Variants in PDE4B observed in about 807,000 individuals in gnomAD.
PDE4B encodes 3',5'-cyclic-AMP phosphodiesterase 4B.
A neutral mutation model predicts 82.2 loss-of-function variants in PDE4B; 20 were observed. That is an observed-to-expected ratio of 0.24 (90% CI 0.17 to 0.35). PDE4B has a LOEUF of 0.35. Among genes scored for constraint, PDE4B ranks in the 10% least tolerant of loss-of-function variants. The pLI is 1.00. For synonymous variants in PDE4B, 320 were observed against 318.9 expected (o/e 1.00, Z -0.04); for missense variants, 655 against 907.2 (o/e 0.72, Z 3.57).
At chr1:66,190,535 G>A (rs12729174) in intron 3 of PDE4B, among the ~76,000 whole-genome samples, 20 of 152,134 alleles carry the variant, frequency 1.3e-4, no homozygotes, top group Admixed American at 5.2e-4. Flanking sequence ...TGGCAATGGC[G>A]GGCACCCCTC....
chr1:66,152,469 CT>C, intron 3 of PDE4B: 2 of 300,606 alleles, frequency 6.7e-6, no homozygotes, highest in Non-Finnish European at 1.5e-5. Flanking sequence ...AAGGTCTGTA[CT>C]TTTTAACACA....
At chr1:65,965,389 A>G (rs182796903) in intron 3 of PDE4B, among the ~76,000 whole-genome samples, 4 of 152,266 alleles carry the variant, frequency 2.6e-5, no homozygotes, top group African/African-American at 7.2e-5. Flanking sequence ...ATTGTTGTCA[A>G]AGTACCCAGT....
chr1:66,192,226 T>C (rs1466558075), intron 3 of PDE4B, among the ~76,000 whole-genome samples: 1 of 152,196 alleles, frequency 6.6e-6, no homozygotes, highest in Non-Finnish European at 1.5e-5. Flanking sequence ...AAGACTCTTT[T>C]GTGATCCTTT....
intron 3 of PDE4B, among the ~76,000 whole-genome samples, chr1:66,051,699 ATTTGGTT>A (rs1655037500): frequency 6.6e-6 from 1 of 152,116 alleles, no homozygotes; most frequent in Non-Finnish European, 1.5e-5. Context: ...GGTTGATATT[ATTTGGTT>A]ATTTGCTGAT....
chr1:66,222,962 T>C (rs911892166), intron 3 of PDE4B, among the ~76,000 whole-genome samples: 2 of 152,210 alleles, frequency 1.3e-5, no homozygotes, highest in African/African-American at 4.8e-5. Flanking sequence ...TTAAATAGTT[T>C]TGTTTTTCTG....
chr1:65,984,375 G>A (rs566271374), intron 3 of PDE4B, among the ~76,000 whole-genome samples: 11 of 152,124 alleles, frequency 7.2e-5, no homozygotes, highest in Non-Finnish European at 1.5e-4. Flanking sequence ...TTCTGAGGGT[G>A]ACACAACTAT....
chr1:66,103,915 G>A (rs1645279719), intron 3 of PDE4B, among the ~76,000 whole-genome samples: 1 of 151,762 alleles, frequency 6.6e-6, no homozygotes, highest in Non-Finnish European at 1.5e-5. Flanking sequence ...AAGATCGAGA[G>A]GCATTATTTT....
intron 3 of PDE4B, among the ~76,000 whole-genome samples, chr1:66,048,411 G>A (rs1211341443): frequency 6.6e-6 from 1 of 151,822 alleles, no homozygotes; most frequent in Non-Finnish European, 1.5e-5. Context: ...TATGACTTGG[G>A]GATGCTGGTG....
intron 3 of PDE4B, among the ~76,000 whole-genome samples, chr1:66,207,674 G>C (rs963370185): frequency 2.6e-5 from 4 of 152,112 alleles, no homozygotes; most frequent in African/African-American, 9.7e-5. Context: ...ACTATTCTAG[G>C]ATGTAGTCCC....
chr1:66,346,071 A>G (rs1344705407), intron 8 of PDE4B, among the ~76,000 whole-genome samples: 4 of 152,146 alleles, frequency 2.6e-5, no homozygotes, highest in African/African-American at 9.7e-5. Flanking sequence ...TGGCTATTCC[A>G]CACTCTCTGG....
chr1:65,798,420 G>A (rs1408856893), intron 1 of PDE4B, among the ~76,000 whole-genome samples: 1 of 87,976 alleles, frequency 1.1e-5, no homozygotes, highest in Non-Finnish European at 1.9e-5. Flanking sequence ...CACCGCGCCC[G>A]GCTAATTTTT....
At chr1:66,285,579 A>C (rs1656619251) in intron 7 of PDE4B, among the ~76,000 whole-genome samples, 1 of 152,144 alleles carries the variant, frequency 6.6e-6, no homozygotes, top group South Asian at 2.1e-4. Context: ...CCCACTTATA[A>C]GTGAAAACAT....
At chr1:65,935,922 A>G (rs1422429292) in intron 3 of PDE4B, among the ~76,000 whole-genome samples, 1 of 152,170 alleles carries the variant, frequency 6.6e-6, no homozygotes, top group African/African-American at 2.4e-5. Flanking sequence ...GGGCAACAAA[A>G]GCGAAATTCT....
intron 1 of PDE4B, among the ~76,000 whole-genome samples, chr1:65,813,853 T>C (rs1297062876): frequency 6.8e-6 from 1 of 148,072 alleles, no homozygotes; most frequent in African/African-American, 2.5e-5. Flanking sequence ...AGAATGTAGC[T>C]TTGAAAAATA....
At chr1:65,877,758 A>G (rs184011609) in intron 1 of PDE4B, among the ~76,000 whole-genome samples, 2 of 152,130 alleles carry the variant, frequency 1.3e-5, no homozygotes, top group African/African-American at 4.8e-5. Context: ...AGACTTAAAC[A>G]TAAAACCTAA....
At chr1:66,328,825 C>A (rs1202972270) in intron 7 of PDE4B, among the ~76,000 whole-genome samples, 1 of 152,194 alleles carries the variant, frequency 6.6e-6, no homozygotes, top group Non-Finnish European at 1.5e-5. Context: ...ATGTTAGCAG[C>A]CGTCTTTGCC....
intron 1 of PDE4B, among the ~76,000 whole-genome samples, chr1:65,872,780 G>T (rs1356068140): frequency 6.6e-6 from 1 of 152,178 alleles, no homozygotes; most frequent in African/African-American, 2.4e-5. Context: ...AAAGGCATTT[G>T]TGTAGGACAT....
intron 1 of PDE4B, among the ~76,000 whole-genome samples, chr1:65,887,183 CCTTT>C (rs1186991633): frequency 9.4e-6 from 1 of 105,994 alleles, no homozygotes; most frequent in Non-Finnish European, 2.0e-5. Context: ...TCCCTCCCTC[CCTTT>C]TTCTTTCTTT....
chr1:66,102,483 G>C (rs1436744988), intron 3 of PDE4B, among the ~76,000 whole-genome samples: 1 of 152,012 alleles, frequency 6.6e-6, no homozygotes, highest in Non-Finnish European at 1.5e-5. Flanking sequence ...AGTATTGTTG[G>C]TTTAGAGATG....
Sources: gnomAD v4.1 joint callset for allele counts (sites outside exome capture counted in the v4.1 genomes callset) on GRCh38, gnomAD v4.1.1 for gene constraint, MANE v1.5 for transcripts, NCBI Gene and HGNC (gene_info 2026-07-23, HGNC 2026-07-21) for gene names.